DYNLT5: variants seen among roughly 807,000 people sequenced by gnomAD.
DYNLT5 encodes dynein light chain Tctex-type family member 5, also known as dynein light chain Tctex-type 5.
Under a neutral mutation model 19.3 loss-of-function variants are expected in DYNLT5, and 25 were observed. The ratio of observed to expected loss-of-function variants is 1.30; its 90% confidence interval spans 0.95 to 1.81. DYNLT5 has a LOEUF of 1.81. DYNLT5 is among the 40% of genes most tolerant of loss of function. The pLI is 0.00. For synonymous variants in DYNLT5, 82 were observed against 68.9 expected, an observed-to-expected ratio of 1.19 and a Z score of -0.94; for missense variants, 232 against 217.9, an observed-to-expected ratio of 1.06 and a Z score of -0.41.
Position 66,777,910 on chromosome 1 carries a change from G to T in DYNLT5, c.*456G>T, listed in dbSNP as rs1645246358. On this transcript the variant is annotated 3_prime_UTR_variant, in exon 5 of 5. Coordinates refer to ENST00000282670, the MANE Select transcript of DYNLT5 (RefSeq NM_152665.3). The stretch of plus-strand genomic sequence containing the variant: ...CAGTGCTGCATATAAAAGAATACTG[G>T]TTTTCATTTTGTACTTAATAAATTG... 1 of 153,060 alleles carries T rather than the reference G, an allele frequency of 6.5e-6. No individual in the cohort carries two copies. The highest frequency in any genetic ancestry group is 1.5e-5 in the Non-Finnish European group (1 of 68,478). 9.5% of individuals were successfully genotyped at this position (153,060 alleles called of 1,614,324 possible). A position where few individuals can be genotyped will look rare whatever the true frequency, so the allele number is the denominator to read the frequency against.
intron 2 of DYNLT5, among the ~76,000 whole-genome samples, chr1:66,762,835 G>C (rs886090692): frequency 6.6e-6 from 1 of 152,012 alleles, no homozygotes; most frequent in Non-Finnish European, 1.5e-5. Context: ...TAGCTAGTGG[G>C]GGTTAGGGGA....
intron 2 of DYNLT5, among the ~76,000 whole-genome samples, chr1:66,766,510 T>C (rs2094655555): frequency 6.6e-6 from 1 of 152,254 alleles, no homozygotes; most frequent in African/African-American, 2.4e-5. Flanking sequence ...TATTCTGAAC[T>C]GATATTGGCA....
intron 3 of DYNLT5, 109 bp from the exon 4 acceptor site, chr1:66,776,170 C>A (rs1645233215): frequency 6.4e-6 from 9 of 1,399,578 alleles, no homozygotes; most frequent in Non-Finnish European, 7.6e-6. Flanking sequence ...TAGAGTCCAC[C>A]CAGAAGATTA....
intron 2 of DYNLT5, among the ~76,000 whole-genome samples, chr1:66,760,183 C>T (rs533653805): frequency 2.0e-5 from 3 of 152,164 alleles, no homozygotes; most frequent in Non-Finnish European, 4.4e-5. Context: ...GCATGTATCA[C>T]CTTTTATCAT....
At chr1:66,770,914 A>G (rs935376557) in intron 3 of DYNLT5, 1 of 210,164 alleles carries the variant, frequency 4.8e-6, no homozygotes, top group African/African-American at 2.4e-5. Context: ...TTTATCCATT[A>G]CCACTGAGGT....
At chr1:66,762,444 T>G (rs1187478386) in intron 2 of DYNLT5, among the ~76,000 whole-genome samples, 2 of 152,222 alleles carry the variant, frequency 1.3e-5, no homozygotes, top group Non-Finnish European at 2.9e-5. Flanking sequence ...AATCAAGTTC[T>G]CTTTCTATTT....
intron 2 of DYNLT5, among the ~76,000 whole-genome samples, chr1:66,766,551 T>C (rs1026331116): frequency 6.6e-6 from 1 of 152,222 alleles, no homozygotes. Context: ...AAAACTGTTT[T>C]ATTTCTAAAA....
In DYNLT5 at chr1:66,777,625, G is replaced by C; in HGVS notation, c.*171G>C. On this transcript the variant is annotated 3_prime_UTR_variant, in exon 5 of 5. Coordinates refer to ENST00000282670, the MANE Select transcript of DYNLT5 (RefSeq NM_152665.3). The stretch of plus-strand genomic sequence containing the variant: ...CTAGTAAAGATTTGGGGAGGGGAGG[G>C]TAGCCACAGAAAGAATCTTGTTTAT... The C allele has an allele frequency of 1.9e-6, 1 of 515,554 alleles. No homozygotes were observed. Among genetic ancestry groups the C allele is most frequent in the Non-Finnish European group, 3.3e-6 (1 of 299,424 alleles). The allele number at this position is 515,554 out of a possible 1,614,324, so 31.9% of individuals were successfully genotyped here.
intron 1 of DYNLT5, among the ~76,000 whole-genome samples, chr1:66,752,818 C>T (rs1377104255): frequency 6.6e-6 from 1 of 152,208 alleles, no homozygotes; most frequent in South Asian, 2.1e-4. Context: ...AGAGTGATGG[C>T]CAACGCAGAG....
At chr1:66,775,918 A>C (rs1241838961) in intron 3 of DYNLT5, among the ~76,000 whole-genome samples, 1 of 152,132 alleles carries the variant, frequency 6.6e-6, no homozygotes, top group African/African-American at 2.4e-5. Flanking sequence ...ATGTCATTTA[A>C]GATCTGGTAG....
rs988389696 is a variant in DYNLT5 at position 66,778,220 on chromosome 1, A to C, written c.*766A>C. 2.0e-5 allele frequency: 3 copies of C among 152,666 alleles called. No individual in the cohort carries two copies. The highest frequency in any genetic ancestry group is 7.2e-5 in the African/African-American group (3 of 41,476). 9.5% of individuals were successfully genotyped at this position (152,666 alleles called of 1,614,324 possible). On this transcript the variant is annotated 3_prime_UTR_variant, in exon 5 of 5. Transcript: ENST00000282670. ...TACTAAATGTGTCTGTAACACATAA[A>C]ATCATTTATTGGAAAGAGACATTGC...
rs1188893371 is a variant in DYNLT5, at chr1:66,778,967, C to T, written c.*1513C>T. ...TCATTACACATTGGTGAACATCTCCCTTCGTGGAACAACAGCGGGGGTAAT... is the reference window on the plus strand; with the variant it reads ...TCATTACACATTGGTGAACATCTCCTTTCGTGGAACAACAGCGGGGGTAAT... On this transcript the variant is annotated 3_prime_UTR_variant, in exon 5 of 5. Coordinates refer to ENST00000282670, the MANE Select transcript of DYNLT5 (RefSeq NM_152665.3). Among the ~76,000 whole-genome samples the T allele has an allele frequency of 2.6e-5, 4 of 152,268 alleles. No individual in the cohort carries two copies. In the East Asian group the frequency reaches 7.7e-4, roughly 29 times the overall value.
intron 3 of DYNLT5, among the ~76,000 whole-genome samples, chr1:66,773,965 G>C (rs1362960878): frequency 4.6e-5 from 7 of 152,104 alleles, no homozygotes; most frequent in Non-Finnish European, 1.0e-4. Flanking sequence ...TAGGGGAAAG[G>C]TAACAAAGAA....
chr1:66,766,059 AGTG>A (rs1310998143), intron 2 of DYNLT5, among the ~76,000 whole-genome samples: 1 of 152,254 alleles, frequency 6.6e-6, no homozygotes, highest in Non-Finnish European at 1.5e-5. Flanking sequence ...TGTTCTCACC[AGTG>A]GTTTACGCCA....
At position 66,752,509 on chromosome 1, in the gene DYNLT5, C is replaced by T. The variant is rs767133177; in HGVS notation, c.-79C>T. 1.0e-6 allele frequency: 1 copy of T among 985,446 alleles called. No homozygotes were observed. Among genetic ancestry groups the T allele is most frequent in the African/African-American group, 1.7e-5 (1 of 57,254 alleles). The allele number at this position is 985,446 out of a possible 1,614,324, so 61.0% of individuals were successfully genotyped here. A position where few individuals can be genotyped will look rare whatever the true frequency, so the allele number is the denominator to read the frequency against. On this transcript the variant is annotated 5_prime_UTR_variant, in exon 1 of 5. It adds an upstream start codon to the 5' untranslated region. Coordinates refer to ENST00000282670, the MANE Select transcript of DYNLT5 (RefSeq NM_152665.3). ...GCCGCCGGCTGAATGAAGCCTGGGA[C>T]GCGGGAGCCGCGCCGCGCGCAGTGT...
chr1:66,756,059 T>G (rs931093247), intron 2 of DYNLT5, among the ~76,000 whole-genome samples: 1 of 152,192 alleles, frequency 6.6e-6, no homozygotes, highest in African/African-American at 2.4e-5. Flanking sequence ...AATCAGAGTG[T>G]GGCTACATTT....
chr1:66,776,042 C>T, intron 3 of DYNLT5: 1 of 339,092 alleles, frequency 2.9e-6, no homozygotes. Flanking sequence ...AAGGTCAAAC[C>T]CCAGCAGTAT....
At chr1:66,773,976 G>A (rs1170494265) in intron 3 of DYNLT5, among the ~76,000 whole-genome samples, 1 of 152,122 alleles carries the variant, frequency 6.6e-6, no homozygotes, top group Non-Finnish European at 1.5e-5. Context: ...TAACAAAGAA[G>A]TAAGAAAAGA....
rs1366990054 is a variant in DYNLT5 at position 66,777,361 on chromosome 1, C to A, written c.447C>A (p.Leu149=). ...GCATACTTATTGGAAGCAGATGCCT[C>A]TGGGATCCTAAAAGTGATACCTTTT... The part of the protein sequence containing the change: ...RQSILIGSRC[L]WDPKSDTFSS... The change falls in exon 5 of 5, where the codon CTC becomes CTA. Residue 149 remains leucine (L), a synonymous_variant. Transcript: ENST00000282670. 1 of 1,613,958 alleles carries A rather than the reference C, an allele frequency of 6.2e-7. No individual in the cohort carries two copies. The highest frequency in any genetic ancestry group is 2.2e-5 in the East Asian group (1 of 44,864).
Sources: gnomAD v4.1 joint callset for allele counts (sites outside exome capture counted in the v4.1 genomes callset) on GRCh38, gnomAD v4.1.1 for gene constraint, MANE v1.5 for transcripts, NCBI Gene and HGNC (gene_info 2026-07-23, HGNC 2026-07-21) for gene names.